PRKAR1B: variants seen among roughly 807,000 people sequenced by gnomAD.
The protein encoded by PRKAR1B is protein kinase cAMP-dependent type I regulatory subunit beta.
PRKAR1B carries 22 observed loss-of-function variants against 46.5 expected under a neutral mutation model. The observed-to-expected ratio is 0.47, with a 90% CI of 0.34 to 0.68. PRKAR1B has a LOEUF of 0.68. PRKAR1B is among the 30% of genes least tolerant of loss of function. The probability of loss-of-function intolerance (pLI) is 0.01; values close to 1 mark genes in which losing one functional copy is unlikely to be tolerated. For synonymous variants in PRKAR1B, 259 were observed against 217.7 expected (o/e 1.19, Z -1.67); for missense variants, 445 against 535.6 (o/e 0.83, Z 1.67).
At chr7:640,291 A>G (rs932507463) in intron 4 of PRKAR1B, among the ~76,000 whole-genome samples, 1 of 152,248 alleles carries the variant, frequency 6.6e-6, no homozygotes, top group Non-Finnish European at 1.5e-5. Flanking sequence ...TGTGTCTGGT[A>G]AAGGACTTGT....
At position 641,971 on chromosome 7, in the gene PRKAR1B, C is replaced by T. The variant is rs370547885; in HGVS notation, c.441-34519G>A. 3.3e-5 allele frequency among the ~76,000 whole-genome samples: 5 copies of T among 152,118 alleles called. No individual in the cohort carries two copies. The East Asian group carries it at 7.7e-4, about 23-fold the overall frequency. On this transcript the variant is annotated intron_variant, in intron 4 of 10. Transcript: ENST00000537384. ...CAGATTAGGGCACAGTGGCACAATC[C>T]AGCTCACTGCAGCCTCAACCTCCCG...
chr7:556,206 G>A (rs552741529), intron 9 of PRKAR1B, among the ~76,000 whole-genome samples: 23 of 152,124 alleles, frequency 1.5e-4, no homozygotes, highest in Admixed American at 1.2e-3. Context: ...GGGGGCATTC[G>A]TGCTTCCCAC....
chr7:670,468 G>A (rs1020887860), intron 4 of PRKAR1B, among the ~76,000 whole-genome samples: 7 of 152,216 alleles, frequency 4.6e-5, no homozygotes, highest in African/African-American at 1.4e-4. Flanking sequence ...CTGGGCCTCT[G>A]AGCTCCCCCA....
intron 7 of PRKAR1B, among the ~76,000 whole-genome samples, chr7:588,529 CGGT>C (rs1780739442): frequency 1.8e-4 from 2 of 11,032 alleles, no homozygotes; most frequent in African/African-American, 3.8e-4. Context: ...ATGGTGGTGA[CGGT>C]GGTGATGGTG....
At chr7:651,840 CGG>C (rs1784919009) in intron 4 of PRKAR1B, among the ~76,000 whole-genome samples, 3 of 108,162 alleles carry the variant, frequency 2.8e-5, no homozygotes, top group Non-Finnish European at 5.6e-5. Context: ...CACACCCACA[CGG>C]AGCTAGGAAC....
chr7:590,457 A>G (rs1780911646), intron 7 of PRKAR1B, among the ~76,000 whole-genome samples: 1 of 152,118 alleles, frequency 6.6e-6, no homozygotes, highest in African/African-American at 2.4e-5. Context: ...GGGGACCAAG[A>G]GACCAGCAGG....
rs1778721715 is a variant in PRKAR1B at position 560,538 on chromosome 7, G to A, written c.892-9068C>T. 1.3e-5 allele frequency among the ~76,000 whole-genome samples: 2 copies of A among 152,166 alleles called. No individual in the cohort carries two copies. Among genetic ancestry groups the A allele is most frequent in the Admixed American group, 1.3e-4 (2 of 15,282 alleles). On this transcript the variant is annotated intron_variant, in intron 9 of 10. Coordinates refer to ENST00000537384, the MANE Select transcript of PRKAR1B (RefSeq NM_001164760.2). This position sits in a 1 kb window ranked among gnomAD's most constrained non-coding sequence, Gnocchi z 4.2. Reference sequence around the variant, plus strand: ...CCCAGGCTTCCCCCTGACCTGGCCAGGAACAAATGGGACTGAGGAGGCTCC... The same window carrying A: ...CCCAGGCTTCCCCCTGACCTGGCCAAGAACAAATGGGACTGAGGAGGCTCC...
chr7:611,464 C>G (rs1413004560), intron 4 of PRKAR1B, among the ~76,000 whole-genome samples: 1 of 152,238 alleles, frequency 6.6e-6, no homozygotes, highest in African/African-American at 2.4e-5. Flanking sequence ...GGGTTCCAGT[C>G]CTACCTGGCC....
chr7:723,554 G>A (rs1015967073), intron 1 of PRKAR1B, among the ~76,000 whole-genome samples: 1 of 152,170 alleles, frequency 6.6e-6, no homozygotes, highest in African/African-American at 2.4e-5. Flanking sequence ...AATGGGAGGA[G>A]CAAGGAAAAG....
intron 1 of PRKAR1B, among the ~76,000 whole-genome samples, chr7:725,427 G>T (rs2128537014): frequency 6.6e-6 from 1 of 152,264 alleles, no homozygotes; most frequent in Admixed American, 6.5e-5. Context: ...CGCGTTCTAG[G>T]CTGGGCTCAC....
intron 2 of PRKAR1B, among the ~76,000 whole-genome samples, chr7:704,364 C>G (rs929486453): frequency 6.6e-6 from 1 of 152,184 alleles, no homozygotes; most frequent in African/African-American, 2.4e-5. Flanking sequence ...AAAACCATCT[C>G]AGAAAACCAC....
chr7:684,891 C>G (rs1350378949), intron 2 of PRKAR1B, among the ~76,000 whole-genome samples: 2 of 151,988 alleles, frequency 1.3e-5, no homozygotes, highest in Non-Finnish European at 2.9e-5. Flanking sequence ...CACACACACA[C>G]ACACACACAC....
intron 2 of PRKAR1B, among the ~76,000 whole-genome samples, chr7:702,092 G>C (rs1780093558): frequency 6.6e-6 from 1 of 152,132 alleles, no homozygotes; most frequent in Non-Finnish European, 1.5e-5. Flanking sequence ...ACAACAACCA[G>C]AAATAATAAG....
intron 2 of PRKAR1B, among the ~76,000 whole-genome samples, chr7:682,726 G>C (rs1263233474): frequency 6.6e-6 from 1 of 151,026 alleles, no homozygotes; most frequent in African/African-American, 2.4e-5. Context: ...CTGGATGACA[G>C]AGCGAGACTC....
At chr7:637,290 AC>A (rs2128483025) in intron 4 of PRKAR1B, among the ~76,000 whole-genome samples, 1 of 152,154 alleles carries the variant, frequency 6.6e-6, no homozygotes, top group Admixed American at 6.5e-5. Flanking sequence ...ATGGTGGCGC[AC>A]CTGTAATCCC....
At chr7:621,623 G>C (rs1583314278) in intron 4 of PRKAR1B, among the ~76,000 whole-genome samples, 1 of 152,306 alleles carries the variant, frequency 6.6e-6, no homozygotes, top group South Asian at 2.1e-4. Context: ...GCTCACTATT[G>C]AGCAGTGGTG....
At chr7:584,210 G>A (rs1025714939) in intron 8 of PRKAR1B, among the ~76,000 whole-genome samples, 4 of 152,160 alleles carry the variant, frequency 2.6e-5, no homozygotes, top group Non-Finnish European at 5.9e-5. Context: ...CTGGGGGCGC[G>A]GCTCTGACAG....
intron 4 of PRKAR1B, among the ~76,000 whole-genome samples, chr7:653,668 C>A (rs1357398139): frequency 6.6e-6 from 1 of 152,166 alleles, no homozygotes; most frequent in Admixed American, 6.5e-5. Context: ...CAATCCCCTC[C>A]CAAACCACAT....
upstream of PRKAR1B, among the ~76,000 whole-genome samples, chr7:727,981 A>G (rs1199084223): frequency 2.0e-5 from 3 of 151,416 alleles, no homozygotes; most frequent in Non-Finnish European, 4.4e-5. Flanking sequence ...GGTTGAGGGC[A>G]CGCGCTTTGA....
Sources: gnomAD v4.1 joint callset for allele counts (sites outside exome capture counted in the v4.1 genomes callset) on GRCh38, gnomAD v4.1.1 for gene constraint, Gnocchi (gnomAD v3.1) non-coding constraint, MANE v1.5 for transcripts, NCBI Gene and HGNC (gene_info 2026-07-23, HGNC 2026-07-21) for gene names.